The following TNR variants were observed in gnomAD, a reference collection of about 807,000 sequenced individuals.
TNR encodes the protein tenascin R, also known as tenascin-R.
Under a neutral mutation model 150.4 loss-of-function variants are expected in TNR, and 45 were observed. That is an observed-to-expected ratio of 0.30 (90% CI 0.24 to 0.38). The LOEUF is 0.38. Ranked by LOEUF, TNR falls within the 10% of genes least tolerant of loss-of-function variation. The probability of loss-of-function intolerance (pLI) is 1.00; values close to 1 mark genes in which losing one functional copy is unlikely to be tolerated. For synonymous variants in TNR, 687 were observed against 678.4 expected, an observed-to-expected ratio of 1.01 and a Z score of -0.20; for missense variants, 1,544 against 1,759.1, an observed-to-expected ratio of 0.88 and a Z score of 2.19.
intron 19 of TNR, among the ~76,000 whole-genome samples, chr1:175,336,838 T>C (rs1674509860): frequency 6.6e-6 from 1 of 152,222 alleles, no homozygotes; most frequent in Admixed American, 6.5e-5. Flanking sequence ...CATCTCTCTG[T>C]GGTGGTGATC....
Position 175,632,559 on chromosome 1 carries a change from T to A in TNR, c.-164-104190A>T, listed in dbSNP as rs139990674. Among the ~76,000 whole-genome samples, 659 of 152,352 alleles carry A rather than the reference T, an allele frequency of 4.3e-3. 4 individuals carry two copies. The highest frequency in any genetic ancestry group is 0.015 in the African/African-American group (618 of 41,578). On this transcript the variant is annotated intron_variant, in intron 1 of 22. Transcript: ENST00000367674. ...CATGAATTAAGGATTGACTTTTGGTTAGATCCTGCAGAGACCAAGTACTTC... is the reference window on the plus strand; with the variant it reads ...CATGAATTAAGGATTGACTTTTGGTAAGATCCTGCAGAGACCAAGTACTTC...
At chr1:175,331,331 T>C (rs1226347767) in intron 20 of TNR, among the ~76,000 whole-genome samples, 2 of 138,940 alleles carry the variant, frequency 1.4e-5, no homozygotes, top group Non-Finnish European at 3.1e-5. Flanking sequence ...TGGCACAATC[T>C]CGGCTCACTG....
Position 175,628,670 on chromosome 1 carries a change from G to A in TNR, c.-164-100301C>T, listed in dbSNP as rs184837793. On this transcript the variant is annotated intron_variant, in intron 1 of 22. Transcript: ENST00000367674. ...TGTGCCAACACTGGGCAGCTGAGGA[G>A]CAGGGACAGACAAAGGGAAGAGGAG... Among the ~76,000 whole-genome samples the A allele has an allele frequency of 4.3e-3, 654 of 152,240 alleles. 4 individuals are homozygous for A. Among genetic ancestry groups the A allele is most frequent in the African/African-American group, 0.015 (620 of 41,550 alleles).
At chr1:175,608,904 C>G (rs562892922) in intron 1 of TNR, among the ~76,000 whole-genome samples, 1 of 152,324 alleles carries the variant, frequency 6.6e-6, no homozygotes, top group African/African-American at 2.4e-5. Context: ...GGCCTGCAGG[C>G]AGGAGTGCAG....
At chr1:175,521,227 A>G (rs1659625571) in intron 2 of TNR, among the ~76,000 whole-genome samples, 1 of 152,090 alleles carries the variant, frequency 6.6e-6, no homozygotes, top group Non-Finnish European at 1.5e-5. Context: ...TACTTTACCA[A>G]TCTCTTCATT....
intron 2 of TNR, among the ~76,000 whole-genome samples, chr1:175,493,580 G>A (rs1658350745): frequency 6.6e-6 from 1 of 152,260 alleles, no homozygotes; most frequent in African/African-American, 2.4e-5. Context: ...CTTTCCACAG[G>A]ACAGCCTCTG....
chr1:175,669,436 T>C (rs1283655297), intron 1 of TNR, among the ~76,000 whole-genome samples: 1 of 152,206 alleles, frequency 6.6e-6, no homozygotes, highest in South Asian at 2.1e-4. Context: ...AGGGCACCCA[T>C]GCAGTGGTCA....
At chr1:175,551,743 G>A (rs543076811) in intron 1 of TNR, among the ~76,000 whole-genome samples, 1 of 152,316 alleles carries the variant, frequency 6.6e-6, no homozygotes, top group South Asian at 2.1e-4. Flanking sequence ...GTGATCATTG[G>A]TCTCGACACT....
rs1255724420 is a variant in TNR at position 175,323,043 on chromosome 1, A to G, written c.*314T>C. 5 of 223,700 alleles carry G rather than the reference A, an allele frequency of 2.2e-5. No individual in the cohort carries two copies. Among genetic ancestry groups the G allele is most frequent in the African/African-American group, 1.1e-4 (5 of 43,936 alleles). 13.9% of individuals were successfully genotyped at this position (223,700 alleles called of 1,614,324 possible). ...TAGAAAAATGTGTGTGCCTGTCACCATAACAATCTGCACCCCACGACTTGG... is the reference window on the plus strand; with the variant it reads ...TAGAAAAATGTGTGTGCCTGTCACCGTAACAATCTGCACCCCACGACTTGG... On this transcript the variant is annotated 3_prime_UTR_variant, in exon 23 of 23. Coordinates refer to ENST00000367674, the MANE Select transcript of TNR (RefSeq NM_003285.3).
intron 2 of TNR, among the ~76,000 whole-genome samples, chr1:175,475,745 T>C (rs1657519814): frequency 6.6e-6 from 1 of 151,858 alleles, no homozygotes. Flanking sequence ...AAGAACCCCA[T>C]GTGTTCCTTT....
chr1:175,669,624 A>G (rs569741419), intron 1 of TNR, among the ~76,000 whole-genome samples: 1 of 152,310 alleles, frequency 6.6e-6, no homozygotes, highest in Admixed American at 6.5e-5. Context: ...GCCCTACAAG[A>G]GTGTTAATGT....
intron 21 of TNR, among the ~76,000 whole-genome samples, chr1:175,324,804 C>T (rs1430949748): frequency 6.6e-6 from 1 of 152,026 alleles, no homozygotes; most frequent in South Asian, 2.1e-4. Context: ...CCCCAACCCT[C>T]AGCTGTTTCC....
At chr1:175,627,664 T>C (rs2101870343) in intron 1 of TNR, among the ~76,000 whole-genome samples, 1 of 152,298 alleles carries the variant, frequency 6.6e-6, no homozygotes, top group African/African-American at 2.4e-5. Context: ...ATAGCTCTAA[T>C]TGTAATGATC....
At chr1:175,645,509 A>T (rs1664785011) in intron 1 of TNR, among the ~76,000 whole-genome samples, 1 of 152,242 alleles carries the variant, frequency 6.6e-6, no homozygotes, top group Admixed American at 6.5e-5. Flanking sequence ...TATAATGTGG[A>T]TCTTTGTATC....
intron 2 of TNR, among the ~76,000 whole-genome samples, chr1:175,489,305 C>T (rs1349906148): frequency 6.6e-6 from 1 of 152,204 alleles, no homozygotes; most frequent in Non-Finnish European, 1.5e-5. Flanking sequence ...TCCCCAGGTA[C>T]TCTGCCATCT....
chr1:175,625,873 A>G (rs1309036269), intron 1 of TNR, among the ~76,000 whole-genome samples: 1 of 152,136 alleles, frequency 6.6e-6, no homozygotes, highest in African/African-American at 2.4e-5. Context: ...CCAAACAAGG[A>G]CAAGATGCTC....
intron 2 of TNR, among the ~76,000 whole-genome samples, chr1:175,433,629 G>T (rs1202023116): frequency 2.0e-5 from 3 of 152,186 alleles, no homozygotes; most frequent in Non-Finnish European, 4.4e-5. Flanking sequence ...CAATTTATGA[G>T]ATGCCTTTGA....
At chr1:175,733,949 C>T (rs1450434463) in intron 1 of TNR, among the ~76,000 whole-genome samples, 1 of 148,772 alleles carries the variant, frequency 6.7e-6, no homozygotes, top group Non-Finnish European at 1.5e-5. Context: ...GCCAGGCCCA[C>T]CAAGGGCAAC....
At position 175,321,102 on chromosome 1, in the gene TNR, C is replaced by A. The variant is rs74399607; in HGVS notation, c.*2255G>T. On this transcript the variant is annotated 3_prime_UTR_variant, in exon 23 of 23. Transcript: ENST00000367674. ...CCCATGCAATGTGCTTCCTACTATT[C>A]ATTGTTGCCCCGTCTCTAGGTAAGT... 7,240 of 152,260 alleles carry A rather than the reference C, an allele frequency of 0.048. 237 individuals carry two copies. The highest frequency in any genetic ancestry group is 0.18 in the Middle Eastern group (53 of 292). 9.4% of individuals were successfully genotyped at this position (152,260 alleles called of 1,614,324 possible).
Sources: allele counts gnomAD v4.1 joint callset (sites outside exome capture counted in the v4.1 genomes callset), GRCh38; gene constraint gnomAD v4.1.1; transcripts MANE v1.5; gene names NCBI Gene and HGNC (gene_info 2026-07-23, HGNC 2026-07-21).